Variants in CACNA1A observed in about 807,000 individuals in gnomAD.
CACNA1A encodes the protein voltage-dependent P/Q-type calcium channel subunit alpha-1A.
Under a neutral mutation model 262.4 loss-of-function variants are expected in CACNA1A, and 57 were observed. That is an observed-to-expected ratio of 0.22 (90% CI 0.18 to 0.27). The LOEUF is 0.27. Ranked by LOEUF, CACNA1A falls within the 10% of genes least tolerant of loss-of-function variation. The pLI, the probability that CACNA1A is intolerant of heterozygous loss-of-function variation, is 1.00. For synonymous variants in CACNA1A, 1,431 were observed against 1,419.3 expected (o/e 1.01, Z -0.18); for missense variants, 2,526 against 3,562.8 (o/e 0.71, Z 7.41).
intron 3 of CACNA1A, among the ~76,000 whole-genome samples, chr19:13,426,491 G>A (rs73507071): frequency 0.036 from 5,418 of 152,082 alleles, 308 homozygotes; most frequent in African/African-American, 0.12. Context: ...GGTAGCTCAC[G>A]GCCAAGAATT....
At chr19:13,299,753 T>A (rs2057750366) in intron 18 of CACNA1A, among the ~76,000 whole-genome samples, 1 of 152,154 alleles carries the variant, frequency 6.6e-6, no homozygotes, top group Non-Finnish European at 1.5e-5. Context: ...GGCCCCCCAG[T>A]GGCTCCTCCC....
Position 13,371,734 on chromosome 19 carries a change from C to A in CACNA1A, c.585G>T (p.Arg195Ser). Reference protein sequence around the residue: ...VGTEFDLRTLRAVRVLRPLKL... With the variant: ...VGTEFDLRTLSAVRVLRPLKL... ...TGAGCGGCCGCAGCACTCGAACTGCCCTCAGCGTCCGTAGGTCAAACTCCG... is the reference window on the plus strand; with the variant it reads ...TGAGCGGCCGCAGCACTCGAACTGCACTCAGCGTCCGTAGGTCAAACTCCG... The change falls in exon 4 of 47, where the codon AGG (arginine) becomes AGT (serine). Residue 195 changes from arginine (R) to serine (S), a missense_variant. This residue lies in a region of CACNA1A where 77 missense variants were observed against 228.4 expected (regional missense o/e 0.34). Coordinates refer to ENST00000360228, the MANE Select transcript of CACNA1A (RefSeq NM_001127222.2). 1 of 1,581,150 alleles carries A rather than the reference C, an allele frequency of 6.3e-7. No individual in the cohort carries two copies.
At chr19:13,372,551 C>T (rs1473628616) in intron 3 of CACNA1A, among the ~76,000 whole-genome samples, 1 of 152,172 alleles carries the variant, frequency 6.6e-6, no homozygotes, top group Non-Finnish European at 1.5e-5. Flanking sequence ...GATCCCAGAT[C>T]TGCCACTTTC....
intron 10 of CACNA1A, 67 bp from the exon 11 acceptor site, chr19:13,317,388 A>G (rs2058149069): frequency 7.5e-7 from 1 of 1,335,620 alleles, no homozygotes; most frequent in African/African-American, 1.4e-5. Flanking sequence ...ACCAATGTGC[A>G]GCCCAAGCAC....
At chr19:13,500,526 T>C (rs1034513834) in intron 1 of CACNA1A, among the ~76,000 whole-genome samples, 5 of 152,214 alleles carry the variant, frequency 3.3e-5, no homozygotes, top group Non-Finnish European at 5.9e-5. Flanking sequence ...TCCTAAGCCA[T>C]CGAGGCCAGA....
chr19:13,326,472 G>A (rs1029985883), intron 10 of CACNA1A, among the ~76,000 whole-genome samples: 1 of 152,094 alleles, frequency 6.6e-6, no homozygotes, highest in African/African-American at 2.4e-5. Flanking sequence ...CAACAGCGCA[G>A]TAGAATCACC....
At chr19:13,329,067 A>C (rs960549016) in intron 10 of CACNA1A, among the ~76,000 whole-genome samples, 1 of 152,106 alleles carries the variant, frequency 6.6e-6, no homozygotes, top group Non-Finnish European at 1.5e-5. Context: ...AAAAACAAAA[A>C]CCCATTAAAG....
At position 13,207,152 on chromosome 19, in the gene CACNA1A, A is replaced by C. The variant is rs1301655009; in HGVS notation, c.*161T>G. On this transcript the variant is annotated 3_prime_UTR_variant, in exon 47 of 47. Coordinates refer to ENST00000360228, the MANE Select transcript of CACNA1A (RefSeq NM_001127222.2). This position sits in a 1 kb window ranked among gnomAD's most constrained non-coding sequence, Gnocchi z 5.7. ...TTTTGGCCGAGGGTCTCTGCGGGAC[A>C]CCCTTGTGGCCCAGCCCTGGCCTCT... 110 of 758,902 alleles carry C rather than the reference A, an allele frequency of 1.4e-4. No homozygotes were observed. Among genetic ancestry groups the C allele is most frequent in the Non-Finnish European group, 2.0e-4 (105 of 520,000 alleles). 47.0% of individuals were successfully genotyped at this position (758,902 alleles called of 1,614,324 possible).
intron 10 of CACNA1A, among the ~76,000 whole-genome samples, chr19:13,327,445 G>C (rs921124026): frequency 2.0e-5 from 3 of 150,528 alleles, no homozygotes; most frequent in Non-Finnish European, 3.0e-5. Context: ...CTTGTTAACA[G>C]AGGCGGAGGC....
At chr19:13,272,033 C>T (rs1290768451) in intron 24 of CACNA1A, 1 of 152,286 alleles carries the variant, frequency 6.6e-6, no homozygotes, top group Admixed American at 6.5e-5. Context: ...ATCCATCTGC[C>T]TTGGCCTCCG....
intron 38 of CACNA1A, among the ~76,000 whole-genome samples, chr19:13,219,733 T>C (rs767583138): frequency 1.3e-5 from 2 of 151,932 alleles, no homozygotes; most frequent in Non-Finnish European, 2.9e-5. Flanking sequence ...GGTGGGCAGA[T>C]CACGAGGTTG....
intron 22 of CACNA1A, among the ~76,000 whole-genome samples, chr19:13,279,388 C>T (rs77189297): frequency 4.6e-5 from 7 of 152,110 alleles, no homozygotes; most frequent in African/African-American, 1.4e-4. Flanking sequence ...CCCAGCAGAT[C>T]GGCCAAATGA....
At chr19:13,319,278 T>C (rs1753695678) in intron 10 of CACNA1A, among the ~76,000 whole-genome samples, 3 of 152,230 alleles carry the variant, frequency 2.0e-5, no homozygotes. Context: ...AGTACATTCA[T>C]TCATTCTTTC....
chr19:13,485,222 C>G (rs1430173579), intron 1 of CACNA1A, among the ~76,000 whole-genome samples: 1 of 152,150 alleles, frequency 6.6e-6, no homozygotes, highest in Non-Finnish European at 1.5e-5. Flanking sequence ...TACCTACCAC[C>G]ACATATAAAA....
intron 6 of CACNA1A, among the ~76,000 whole-genome samples, chr19:13,339,118 C>A (rs10419917): frequency 1.3e-5 from 2 of 151,254 alleles, no homozygotes; most frequent in Non-Finnish European, 3.0e-5. Flanking sequence ...CCTGCCTTGG[C>A]CTCCCAAAGT....
Position 13,506,289 on chromosome 19 carries a change from CGCCGCCGCCGCT to C in CACNA1A, c.-77_-66del, listed in dbSNP as rs869035181. 4 of 1,345,432 alleles carry C rather than the reference CGCCGCCGCCGCT, an allele frequency of 3.0e-6. No individual in the cohort carries two copies. In the African/African-American group the frequency reaches 4.7e-5, roughly 16 times the overall value. The allele number at this position is 1,345,432 out of a possible 1,614,324, so 83.3% of individuals were successfully genotyped here. A position where few individuals can be genotyped will look rare whatever the true frequency, so the allele number is the denominator to read the frequency against. On this transcript the variant is annotated 5_prime_UTR_variant, in exon 1 of 47. Transcript: ENST00000360228. ...ACGATGCGGAAGACGCCGCCGCCGC[CGCCGCCGCCGCT>C]GATGCTGAGGCTGCCGGGGCTGGGA...
chr19:13,384,387 C>G (rs1385085428), intron 3 of CACNA1A, among the ~76,000 whole-genome samples: 1 of 152,086 alleles, frequency 6.6e-6, no homozygotes, highest in African/African-American at 2.4e-5. Flanking sequence ...GAATGGCATA[C>G]CTGACAGTCA....
intron 11 of CACNA1A, 142 bp downstream of exon 11, chr19:13,316,970 A>G (rs532072441): frequency 2.2e-5 from 13 of 588,392 alleles, no homozygotes; most frequent in Non-Finnish European, 3.7e-5. Context: ...GGCCCCAGTG[A>G]CAGTTATAGA....
At chr19:13,364,324 C>T (rs1246203010) in intron 5 of CACNA1A, 1 of 152,262 alleles carries the variant, frequency 6.6e-6, no homozygotes, top group Non-Finnish European at 1.5e-5. Context: ...TGAGAACTAT[C>T]GTTTAGCATG....
Sources: allele counts gnomAD v4.1 joint callset (sites outside exome capture counted in the v4.1 genomes callset), GRCh38; gene constraint gnomAD v4.1.1; regional missense constraint gnomAD v4.1.1; non-coding constraint Gnocchi (gnomAD v3.1); transcripts MANE v1.5; gene names NCBI Gene and HGNC (gene_info 2026-07-23, HGNC 2026-07-21).